INSR: variants seen among roughly 807,000 people sequenced by gnomAD.
INSR encodes the protein insulin receptor.
A neutral mutation model predicts 142.6 loss-of-function variants in INSR; 67 were observed. That is an observed-to-expected ratio of 0.47 (90% CI 0.39 to 0.58). INSR has a LOEUF of 0.58. Ranked by LOEUF, INSR falls within the 20% of genes least tolerant of loss-of-function variation. The pLI is 0.00. For synonymous variants in INSR, 756 were observed against 743.1 expected (o/e 1.02, Z -0.28); for missense variants, 1,248 against 1,833.2 (o/e 0.68, Z 5.83).
At chr19:7,182,614 G>C (rs1974302425) in intron 3 of INSR, among the ~76,000 whole-genome samples, 1 of 152,020 alleles carries the variant, frequency 6.6e-6, no homozygotes, top group African/African-American at 2.4e-5. Flanking sequence ...CCTCTCCTTT[G>C]TTTTCTTCCG....
intron 2 of INSR, among the ~76,000 whole-genome samples, chr19:7,215,472 G>C (rs73488802): frequency 6.6e-6 from 1 of 150,920 alleles, no homozygotes; most frequent in African/African-American, 2.4e-5. Flanking sequence ...AGGATGACTC[G>C]AAAGACAGAA....
intron 1 of INSR, among the ~76,000 whole-genome samples, chr19:7,271,628 C>T (rs1967928987): frequency 6.6e-6 from 1 of 152,172 alleles, no homozygotes; most frequent in African/African-American, 2.4e-5. Flanking sequence ...TATGACCTGG[C>T]AATTCCACTC....
chr19:7,171,952 C>A (rs1198612541), intron 5 of INSR, among the ~76,000 whole-genome samples: 1 of 148,316 alleles, frequency 6.7e-6, no homozygotes, highest in Admixed American at 6.7e-5. Context: ...CACTCTGTCA[C>A]CCAGGCTGGA....
rs66727046 is a variant in INSR, at chr19:7,166,936, A to AATAG, written c.1611-533_1611-532insCTAT. On this transcript the variant is annotated intron_variant, in intron 7 of 21. Transcript: ENST00000302850. This position sits in a 1 kb window ranked among gnomAD's most constrained non-coding sequence, Gnocchi z 4.1. Reference sequence around the variant, plus strand: ...TCTGTTTCAAAAACATAAATAAATAAATAAATAAATAAATGCTTGGGACCA... The same window carrying AATAG: ...TCTGTTTCAAAAACATAAATAAATAAATAGATAAATAAATAAATGCTTGGGACCA... Among the ~76,000 whole-genome samples the AATAG allele has an allele frequency of 6.6e-6, 1 of 151,636 alleles. No homozygotes were observed. Among genetic ancestry groups the AATAG allele is most frequent in the African/African-American group, 2.4e-5 (1 of 41,276 alleles).
At chr19:7,157,126 G>A (rs1360395892) in intron 9 of INSR, among the ~76,000 whole-genome samples, 5 of 152,086 alleles carry the variant, frequency 3.3e-5, no homozygotes, top group Admixed American at 6.6e-5. Flanking sequence ...GACTACAGGC[G>A]TGCACCACCA....
chr19:7,164,778 A>C lies in INSR; in HGVS notation c.1861+1376T>G, dbSNP rs1402350907. On this transcript the variant is annotated intron_variant, in intron 8 of 21. Transcript: ENST00000302850. Reference sequence around the variant, plus strand: ...GAGGCAGAGGTTGCAGTGAGCTGAGATAGGGCCATTGCACTCCAGCCTAGG... The same window carrying C: ...GAGGCAGAGGTTGCAGTGAGCTGAGCTAGGGCCATTGCACTCCAGCCTAGG... Among the ~76,000 whole-genome samples the C allele has an allele frequency of 3.5e-5, 5 of 143,292 alleles. 1 individual carries two copies. Among genetic ancestry groups the C allele is most frequent in the Non-Finnish European group, 7.5e-5 (5 of 66,370 alleles). 94.0% of individuals were successfully genotyped at this position (143,292 alleles called of 152,430 possible).
intron 10 of INSR, 126 bp downstream of exon 10, chr19:7,152,600 C>T (rs1973401174): frequency 1.6e-5 from 13 of 824,586 alleles, no homozygotes; most frequent in Non-Finnish European, 2.8e-5. Context: ...GAAAGGGCTC[C>T]ATTCAGACTC....
chr19:7,263,038 G>A (rs1257656851), intron 2 of INSR, among the ~76,000 whole-genome samples: 3 of 152,190 alleles, frequency 2.0e-5, no homozygotes, highest in African/African-American at 4.8e-5. Context: ...AGCACTTTGC[G>A]AGGCTGAGGT....
Position 7,159,807 on chromosome 19 carries a change from G to A in INSR, c.2029+3225C>T, listed in dbSNP as rs1046978362. ...CCCTTCTCCCAAAAAGGAGGCAGAC[G>A]GTGACTTGCTTGGGAACTTAGCCAA... is the stretch of plus-strand genomic sequence containing the variant. On this transcript the variant is annotated intron_variant, in intron 9 of 21. Coordinates refer to ENST00000302850, the MANE Select transcript of INSR (RefSeq NM_000208.4). The surrounding 1 kb of genome is among the most constrained non-coding windows in gnomAD (Gnocchi z 4.3). 1.2e-4 allele frequency among the ~76,000 whole-genome samples: 19 copies of A among 152,308 alleles called. No individual in the cohort carries two copies. Among genetic ancestry groups the A allele is most frequent in the African/African-American group, 4.3e-4 (18 of 41,566 alleles).
At chr19:7,273,266 C>T (rs1372082921) in intron 1 of INSR, among the ~76,000 whole-genome samples, 2 of 152,154 alleles carry the variant, frequency 1.3e-5, no homozygotes, top group African/African-American at 2.4e-5. Flanking sequence ...TCATTAAAGC[C>T]GTATGTGTCC....
At chr19:7,229,573 A>T (rs1024257380) in intron 2 of INSR, among the ~76,000 whole-genome samples, 1 of 152,146 alleles carries the variant, frequency 6.6e-6, no homozygotes, top group African/African-American at 2.4e-5. Context: ...TCTCTCCATC[A>T]ATTTATGGAC....
At chr19:7,200,547 A>AAAAAAATAATAAATAAAAAG (rs1974924273) in intron 2 of INSR, among the ~76,000 whole-genome samples, 2 of 151,076 alleles carry the variant, frequency 1.3e-5, no homozygotes, top group Non-Finnish European at 2.9e-5. Context: ...TAAATAAAAA[A>AAAAAAATAATAAATAAAAAG]TTAAAAATTA....
chr19:7,136,828 C>CATATATATATATATATATATATCTAT (rs57665258), intron 13 of INSR, among the ~76,000 whole-genome samples: 1 of 139,752 alleles, frequency 7.2e-6, no homozygotes, highest in African/African-American at 2.9e-5. Context: ...TATTTATTTA[C>CATATATATATATATATATATATCTAT]ATATATATAT....
chr19:7,121,105 C>T (rs1238427581), intron 19 of INSR, among the ~76,000 whole-genome samples: 1 of 151,874 alleles, frequency 6.6e-6, no homozygotes, highest in Non-Finnish European at 1.5e-5. Flanking sequence ...TCAAGCAATT[C>T]TCTTGCCTCA....
chr19:7,228,328 C>T (rs1975851674), intron 2 of INSR, among the ~76,000 whole-genome samples: 1 of 152,174 alleles, frequency 6.6e-6, no homozygotes, highest in African/African-American at 2.4e-5. Context: ...AATCTGCTGT[C>T]ATTATACACA....
rs185612917 is a variant in INSR at position 7,254,550 on chromosome 19, A to C, written c.652+12795T>G. The stretch of plus-strand genomic sequence containing the variant: ...TCTCAAAAACAAACAAACAAACAAC[A>C]AAATAAAAAAGTAGAGAGGGAAGAC... On this transcript the variant is annotated intron_variant, in intron 2 of 21. Transcript: ENST00000302850. Among the ~76,000 whole-genome samples, 33 of 152,180 alleles carry C rather than the reference A, an allele frequency of 2.2e-4. No individual in the cohort carries two copies. The East Asian group carries it at 5.4e-3, about 25-fold the overall frequency.
intron 2 of INSR, among the ~76,000 whole-genome samples, chr19:7,204,189 C>G (rs1372186950): frequency 6.6e-6 from 1 of 151,138 alleles, no homozygotes; most frequent in Non-Finnish European, 1.5e-5. Flanking sequence ...ATTACAGGTG[C>G]CCAGCACCAT....
intron 17 of INSR, 105 bp from the exon 18 acceptor site, chr19:7,123,094 T>A: frequency 1.2e-6 from 1 of 839,796 alleles, no homozygotes; most frequent in Non-Finnish European, 2.0e-6. Flanking sequence ...CCCTGTGGCC[T>A]GGATGCAGCG....
chr19:7,206,090 T>C (rs1975097938), intron 2 of INSR, among the ~76,000 whole-genome samples: 1 of 152,142 alleles, frequency 6.6e-6, no homozygotes, highest in Admixed American at 6.6e-5. Context: ...CTGGAGGGGA[T>C]GACGCACAAA....
Sources: gnomAD v4.1 joint callset for allele counts (sites outside exome capture counted in the v4.1 genomes callset) on GRCh38, gnomAD v4.1.1 for gene constraint, Gnocchi (gnomAD v3.1) non-coding constraint, MANE v1.5 for transcripts, NCBI Gene and HGNC (gene_info 2026-07-23, HGNC 2026-07-21) for gene names.